Variants in FOXN3 observed in about 807,000 individuals in gnomAD.
FOXN3 encodes the protein forkhead box protein N3.
FOXN3 carries 7 observed loss-of-function variants against 38.4 expected under a neutral mutation model. That is an observed-to-expected ratio of 0.18 (90% CI 0.10 to 0.34). The LOEUF is 0.34. Among genes scored for constraint, FOXN3 ranks in the 10% least tolerant of loss-of-function variants. The probability of loss-of-function intolerance (pLI) is 1.00; values close to 1 mark genes in which losing one functional copy is unlikely to be tolerated. For missense variants in FOXN3, 456 were observed against 613.4 expected, an observed-to-expected ratio of 0.74 and a Z score of 2.71; for synonymous variants, 230 against 242.2, an observed-to-expected ratio of 0.95 and a Z score of 0.47.
intron 1 of FOXN3, among the ~76,000 whole-genome samples, chr14:89,566,880 TACC>T (rs1895365173): frequency 6.6e-6 from 1 of 150,992 alleles, no homozygotes; most frequent in Non-Finnish European, 1.5e-5. Context: ...TCCTCTTCCT[TACC>T]CTCCTTCCCC....
At chr14:89,205,743 G>A (rs967880891) in intron 4 of FOXN3, among the ~76,000 whole-genome samples, 2 of 152,160 alleles carry the variant, frequency 1.3e-5, no homozygotes, top group African/African-American at 4.8e-5. Context: ...CTGAAAGAGC[G>A]CCCTGTAACA....
At chr14:89,387,022 C>T (rs566375133) in intron 2 of FOXN3, among the ~76,000 whole-genome samples, 2 of 152,172 alleles carry the variant, frequency 1.3e-5, no homozygotes, top group South Asian at 4.2e-4. Flanking sequence ...TTTGGGAGGC[C>T]GAGGCAGGTG....
intron 4 of FOXN3, among the ~76,000 whole-genome samples, chr14:89,199,111 G>A (rs1425316040): frequency 2.6e-5 from 4 of 152,182 alleles, no homozygotes; most frequent in Admixed American, 1.3e-4. Flanking sequence ...CTCTACTGAC[G>A]TCATTTGCCA....
chr14:89,615,116 A>ATTTTTGTT (rs1896468420), intron 1 of FOXN3, among the ~76,000 whole-genome samples: 1 of 106,784 alleles, frequency 9.4e-6, no homozygotes, highest in Non-Finnish European at 1.8e-5. Flanking sequence ...CCCAATTTCG[A>ATTTTTGTT]TTTTTTTTTT....
At chr14:89,299,535 A>G (rs1477371686) in intron 3 of FOXN3, among the ~76,000 whole-genome samples, 1 of 152,180 alleles carries the variant, frequency 6.6e-6, no homozygotes, top group South Asian at 2.1e-4. Context: ...GCTCTATCCC[A>G]TGGAATCTCT....
intron 4 of FOXN3, among the ~76,000 whole-genome samples, chr14:89,268,899 G>A (rs555330172): frequency 6.6e-6 from 1 of 152,306 alleles, no homozygotes; most frequent in South Asian, 2.1e-4. Flanking sequence ...CATGACAGCT[G>A]CAAAAAGTGA....
chr14:89,334,003 T>TATATATAG (rs1888357010), intron 3 of FOXN3, among the ~76,000 whole-genome samples: 1 of 59,554 alleles, frequency 1.7e-5, no homozygotes, highest in African/African-American at 5.5e-5. Context: ...TATATATATA[T>TATATATAG]ATATATGTAT....
At chr14:89,606,120 C>A (rs1896270233) in intron 1 of FOXN3, among the ~76,000 whole-genome samples, 1 of 151,752 alleles carries the variant, frequency 6.6e-6, no homozygotes, top group African/African-American at 2.4e-5. Flanking sequence ...CTATTATAAA[C>A]AATCATTATG....
At chr14:89,365,957 T>C (rs966980100) in intron 2 of FOXN3, among the ~76,000 whole-genome samples, 46 of 152,140 alleles carry the variant, frequency 3.0e-4, no homozygotes, top group Admixed American at 3.0e-3. Context: ...TATTCTGTAA[T>C]AACTTTATTA....
At chr14:89,418,824 A>G (rs924415859), upstream of FOXN3, among the ~76,000 whole-genome samples, 2 of 152,082 alleles carry the variant, frequency 1.3e-5, no homozygotes, top group Non-Finnish European at 2.9e-5. Context: ...GAGGGTGCTT[A>G]TTCTCCGCCA....
chr14:89,429,785 G>A (rs1177691137), intron 1 of FOXN3, among the ~76,000 whole-genome samples: 1 of 152,186 alleles, frequency 6.6e-6, no homozygotes. Flanking sequence ...CTGAAAAGGT[G>A]ACTAATGAGC....
intron 1 of FOXN3, among the ~76,000 whole-genome samples, chr14:89,525,615 A>G (rs1894417195): frequency 6.8e-6 from 1 of 146,786 alleles, no homozygotes; most frequent in Non-Finnish European, 1.5e-5. Context: ...ACTATCTCCA[A>G]TAAACTTGTT....
At chr14:89,577,023 T>C (rs12896681) in intron 1 of FOXN3, 1 of 152,214 alleles carries the variant, frequency 6.6e-6, no homozygotes, top group Non-Finnish European at 1.5e-5. Flanking sequence ...AAGCAGCCAG[T>C]CTTCTCTTGT....
chr14:89,353,280 G>A (rs1889053363), intron 2 of FOXN3: 1 of 152,106 alleles, frequency 6.6e-6, no homozygotes, highest in African/African-American at 2.4e-5. Context: ...CTACCTACAG[G>A]TACTCAATAA....
intron 1 of FOXN3, among the ~76,000 whole-genome samples, chr14:89,430,335 C>G (rs1432006673): frequency 6.6e-6 from 1 of 152,184 alleles, no homozygotes; most frequent in East Asian, 1.9e-4. Context: ...GGTCATGATT[C>G]CAGTTTGAAG....
At chr14:89,585,450 T>C (rs530520017) in intron 1 of FOXN3, among the ~76,000 whole-genome samples, 3 of 152,328 alleles carry the variant, frequency 2.0e-5, no homozygotes, top group Admixed American at 2.0e-4. Flanking sequence ...ATCATATGTA[T>C]GCTAGAGAAA....
At chr14:89,218,376 G>C (rs1347399507) in intron 4 of FOXN3, among the ~76,000 whole-genome samples, 2 of 152,190 alleles carry the variant, frequency 1.3e-5, no homozygotes, top group Non-Finnish European at 2.9e-5. Flanking sequence ...TCACAAGAGA[G>C]GTCACCCAAT....
chr14:89,546,329 C>T (rs143530037), intron 1 of FOXN3, among the ~76,000 whole-genome samples: 173 of 78,148 alleles, frequency 2.2e-3, no homozygotes, highest in Non-Finnish European at 2.5e-3. Flanking sequence ...TTTCCTTTTT[C>T]TTTTTTTTTT....
At chr14:89,440,262 T>C (rs1045387366) in intron 1 of FOXN3, among the ~76,000 whole-genome samples, 1 of 152,178 alleles carries the variant, frequency 6.6e-6, no homozygotes, top group Non-Finnish European at 1.5e-5. Flanking sequence ...GGTGCTTTCC[T>C]GGCCTCTGGC....
Sources: allele counts gnomAD v4.1 joint callset (sites outside exome capture counted in the v4.1 genomes callset), GRCh38; gene constraint gnomAD v4.1.1; transcripts MANE v1.5; gene names NCBI Gene and HGNC (gene_info 2026-07-23, HGNC 2026-07-21).